The following CNTRL variants were observed in gnomAD, a reference collection of about 807,000 sequenced individuals.
The protein encoded by CNTRL is centriolin.
In CNTRL, 233 loss-of-function variants were observed where a neutral mutation model predicts 303.7. The ratio of observed to expected loss-of-function variants is 0.77; its 90% CI spans 0.69 to 0.86. The LOEUF (loss-of-function observed/expected upper bound fraction) is 0.86. Among genes scored for constraint, CNTRL ranks in the 40% least tolerant of loss-of-function variants. CNTRL has a pLI of 0.00. For synonymous variants in CNTRL, 900 were observed against 922.2 expected (o/e 0.98, Z 0.44); for missense variants, 2,524 against 2,650.6 (o/e 0.95, Z 1.05).
chr9:121,171,001 G>T (rs2053278758), intron 39 of CNTRL, among the ~76,000 whole-genome samples: 1 of 152,144 alleles, frequency 6.6e-6, no homozygotes, highest in Admixed American at 6.5e-5. Flanking sequence ...GTGGAGCCCT[G>T]TTGTATGAAA....
intron 2 of CNTRL, among the ~76,000 whole-genome samples, chr9:121,084,702 G>A (rs1204018654): frequency 1.3e-5 from 2 of 152,048 alleles, no homozygotes; most frequent in Admixed American, 6.6e-5. Flanking sequence ...TTGCCACCAC[G>A]CCTGGCTAAT....
At chr9:121,139,962 C>A (rs113783834) in intron 16 of CNTRL, among the ~76,000 whole-genome samples, 14 of 152,318 alleles carry the variant, frequency 9.2e-5, no homozygotes, top group African/African-American at 3.1e-4. Context: ...GAACTAGATT[C>A]TTTGATTACT....
At chr9:121,076,658 T>C (rs905020480) in intron 1 of CNTRL, among the ~76,000 whole-genome samples, 2 of 151,976 alleles carry the variant, frequency 1.3e-5, no homozygotes, top group Admixed American at 6.6e-5. Flanking sequence ...GGAACTGGGA[T>C]AGAATTTGTG....
chr9:121,140,388 A>G (rs1165161319), intron 16 of CNTRL, among the ~76,000 whole-genome samples: 1 of 152,226 alleles, frequency 6.6e-6, no homozygotes, highest in Non-Finnish European at 1.5e-5. Context: ...TGGACAGTTT[A>G]CAGATAAAGA....
At chr9:121,122,257 A>G in intron 12 of CNTRL, 2 of 284,854 alleles carry the variant, frequency 7.0e-6, no homozygotes, top group Non-Finnish European at 1.1e-5. Context: ...GTAAGCTGTT[A>G]TATGTAGTTA....
chr9:121,122,322 C>T, intron 12 of CNTRL: 1 of 856,134 alleles, frequency 1.2e-6, no homozygotes, highest in Non-Finnish European at 1.4e-6. Flanking sequence ...AAAGAGTTTG[C>T]AAAATACCAT....
chr9:121,145,232 T>A lies in CNTRL; in HGVS notation c.3169-12T>A. The A allele has an allele frequency of 6.3e-7, 1 of 1,599,032 alleles. No homozygotes were observed. The highest frequency in any genetic ancestry group is 8.5e-7 in the Non-Finnish European group (1 of 1,175,744). On this transcript the variant is annotated splice_polypyrimidine_tract_variant and intron_variant, in intron 21 of 43. Transcript: ENST00000373855. ...TCATTGGCAACTTTGTATGTGTAAT[T>A]TTTTTAAATAGTTTCGACTTGAGAT...
In CNTRL at chr9:121,152,636, G is replaced by A; in HGVS notation, c.4115G>A (p.Ser1372Asn). ...NIDDLLQEKK[S>N]LECEVEELHR... ...GATGATCTTTTGCAAGAGAAGAAAA[G>A]CTTAGAGTGTGAAGTAGAAGAATTA... Residue 1372 changes from serine to asparagine, a missense_variant, in exon 26 of 44, where the codon AGC becomes AAC. Transcript: ENST00000373855. The A allele has an allele frequency of 6.2e-7, 1 of 1,614,078 alleles. No homozygotes were observed. The highest frequency in any genetic ancestry group is 8.5e-7 in the Non-Finnish European group (1 of 1,179,950).
rs2052671871 is a variant in CNTRL at position 121,158,092 on chromosome 9, G to A, written c.4747G>A (p.Glu1583Lys). ...VLLQAKRAEL[E>K]KLKSQVTSQQ... ...TCTTCAGGCCAAAAGAGCCGAGCTG[G>A]AAAAGCTGAAAAGCCAGGTATGGCA... Residue 1583 changes from glutamate (E) to lysine (K), a missense_variant, in exon 30 of 44, where the codon GAA (glutamate) becomes AAA (lysine). Transcript: ENST00000373855. 1 of 1,614,072 alleles carries A rather than the reference G, an allele frequency of 6.2e-7. No individual in the cohort carries two copies. The highest frequency in any genetic ancestry group is 8.5e-7 in the Non-Finnish European group (1 of 1,180,016).
chr9:121,152,998 CCT>C (rs1017202472), intron 26 of CNTRL, among the ~76,000 whole-genome samples: 1 of 152,100 alleles, frequency 6.6e-6, no homozygotes, highest in Non-Finnish European at 1.5e-5. Context: ...AACCATTTCC[CCT>C]CTCCAGTTAC....
chr9:121,157,924 G>A (rs376667806), intron 29 of CNTRL, 44 bp downstream of exon 29: 1 of 1,613,700 alleles, frequency 6.2e-7, no homozygotes, highest in East Asian at 2.2e-5. Flanking sequence ...TGTGCTGGAA[G>A]ACAGCTCTGG....
chr9:121,128,107 G>A (rs975902481), intron 14 of CNTRL, among the ~76,000 whole-genome samples: 5 of 152,136 alleles, frequency 3.3e-5, no homozygotes, highest in Non-Finnish European at 7.4e-5. Flanking sequence ...ATAAACACAT[G>A]TGTGCATGTG....
intron 12 of CNTRL, among the ~76,000 whole-genome samples, chr9:121,120,628 C>T (rs1463180938): frequency 6.6e-6 from 1 of 152,184 alleles, no homozygotes; most frequent in African/African-American, 2.4e-5. Context: ...TTTGCTTCCC[C>T]TTCCAGTTCT....
chr9:121,106,848 T>C (rs1457424418), intron 7 of CNTRL, among the ~76,000 whole-genome samples: 1 of 152,132 alleles, frequency 6.6e-6, no homozygotes, highest in African/African-American at 2.4e-5. Context: ...AAAATATTAA[T>C]AATGCAAAGG....
rs116102552 is a variant in CNTRL, at chr9:121,169,600, G to A, written c.6071-11G>A. On this transcript the variant is annotated splice_polypyrimidine_tract_variant and intron_variant, in intron 38 of 43. Transcript: ENST00000373855. Reference sequence around the variant, plus strand: ...GTCTTTGGCTAAACCTACTGAAAATGCTCATTTCAGAACGGCAGCTTTCAG... The same window carrying A: ...GTCTTTGGCTAAACCTACTGAAAATACTCATTTCAGAACGGCAGCTTTCAG... 2,334 of 1,613,842 alleles carry A rather than the reference G, an allele frequency of 1.4e-3. 26 individuals are homozygous for A. In the African/African-American group the frequency reaches 0.026, roughly 18 times the overall value.
At chr9:121,122,557 T>C (rs1399297654) in intron 12 of CNTRL, 1 of 268,300 alleles carries the variant, frequency 3.7e-6, no homozygotes, top group African/African-American at 2.3e-5. Context: ...TTTATTGTTG[T>C]ATTCCTCTGA....
At chr9:121,093,863 G>A (rs1443833711) in intron 4 of CNTRL, among the ~76,000 whole-genome samples, 1 of 152,156 alleles carries the variant, frequency 6.6e-6, no homozygotes, top group Admixed American at 6.5e-5. Context: ...GGGGGAGGAG[G>A]TGAGATCATG....
At position 121,141,365 on chromosome 9, in the gene CNTRL, T is replaced by C. The variant is rs202159839; in HGVS notation, c.2484-16T>C. On this transcript the variant is annotated splice_polypyrimidine_tract_variant and intron_variant, in intron 17 of 43. Transcript: ENST00000373855. ...TTAAATGTCACATTTATACCATTTT[T>C]CCCCCTCCTTACTAGCATCCATAGT... 391 of 1,585,552 alleles carry C rather than the reference T, an allele frequency of 2.5e-4. No homozygotes were observed. Among genetic ancestry groups the C allele is most frequent in the Non-Finnish European group, 3.1e-4 (355 of 1,155,718 alleles).
Position 121,173,427 on chromosome 9 carries a change from A to C in CNTRL, c.6602A>C (p.Glu2201Ala). ...AACGAAAACCTAGAAGGAGAATTGG[A>C]AAGCTTGAAAGAGAACCTTCCATTT... ...ERNENLEGEL[E>A]SLKENLPFTM... The change falls in exon 41 of 44, where the codon GAA becomes GCA. Residue 2201 changes from glutamate to alanine, a missense_variant. Transcript: ENST00000373855. The C allele has an allele frequency of 6.2e-7, 1 of 1,614,020 alleles. No individual in the cohort carries two copies. Among genetic ancestry groups the C allele is most frequent in the South Asian group, 1.1e-5 (1 of 91,084 alleles).
Sources: gnomAD v4.1 joint callset for allele counts (sites outside exome capture counted in the v4.1 genomes callset) on GRCh38, gnomAD v4.1.1 for gene constraint, MANE v1.5 for transcripts, NCBI Gene and HGNC (gene_info 2026-07-23, HGNC 2026-07-21) for gene names.